The following ARFGEF1 variants were observed in gnomAD, a reference collection of about 807,000 sequenced individuals.
ARFGEF1 encodes brefeldin A-inhibited guanine nucleotide-exchange protein 1.
A neutral mutation model predicts 231.0 loss-of-function variants in ARFGEF1; 42 were observed. That is an observed-to-expected ratio of 0.18 (90% CI 0.14 to 0.24). The LOEUF is 0.24. Among genes scored for constraint, ARFGEF1 ranks in the 10% least tolerant of loss-of-function variants. The probability of loss-of-function intolerance (pLI) is 1.00; values close to 1 mark genes in which losing one functional copy is unlikely to be tolerated. For synonymous variants in ARFGEF1, 710 were observed against 732.3 expected, an observed-to-expected ratio of 0.97 and a Z score of 0.49; for missense variants, 1,345 against 2,192.0, an observed-to-expected ratio of 0.61 and a Z score of 7.72.
intron 1 of ARFGEF1, among the ~76,000 whole-genome samples, chr8:67,330,084 C>A (rs1377587248): frequency 1.3e-5 from 2 of 151,932 alleles, no homozygotes; most frequent in Non-Finnish European, 2.9e-5. Flanking sequence ...ATTTTTCATT[C>A]AAACCAAGAA....
Position 67,343,496 on chromosome 8 carries a change from C to G in ARFGEF1, c.-209G>C. 2 of 1,271,860 alleles carry G rather than the reference C, an allele frequency of 1.6e-6. No individual in the cohort carries two copies. 78.8% of individuals were successfully genotyped at this position (1,271,860 alleles called of 1,614,324 possible). A position where few individuals can be genotyped will look rare whatever the true frequency, so the allele number is the denominator to read the frequency against. On this transcript the variant is annotated 5_prime_UTR_variant, in exon 1 of 39. Transcript: ENST00000262215. The stretch of plus-strand genomic sequence containing the variant: ...AAGGGCGTCGAGGTCCTCGCCGCCC[C>G]CAAGAAGCCGTACCTCGAGGGCCGC...
intron 3 of ARFGEF1, 103 bp from the exon 4 acceptor site, chr8:67,299,458 A>C (rs985576781): frequency 9.4e-7 from 1 of 1,067,744 alleles, no homozygotes; most frequent in African/African-American, 1.7e-5. Context: ...AATATACATA[A>C]AATTTTTACA....
At chr8:67,284,776 T>A (rs1448141541) in intron 7 of ARFGEF1, among the ~76,000 whole-genome samples, 2 of 152,162 alleles carry the variant, frequency 1.3e-5, no homozygotes, top group Non-Finnish European at 2.9e-5. Flanking sequence ...AGTAAGGACA[T>A]CTCAGCAGCT....
rs764560231 is a variant in ARFGEF1, at chr8:67,224,890, T to C, written c.4208+13A>G. The C allele has an allele frequency of 7.9e-6, 12 of 1,515,690 alleles. No individual in the cohort carries two copies. In the Admixed American group the frequency reaches 2.4e-4, roughly 30 times the overall value. The allele number at this position is 1,515,690 out of a possible 1,614,324, so 93.9% of individuals were successfully genotyped here. A position where few individuals can be genotyped will look rare whatever the true frequency, so the allele number is the denominator to read the frequency against. ...ATAAATCCAAAATTTTAATTACAAA[T>C]ATAGATTGTTACCTGGTTCTTACAT... On this transcript the variant is annotated intron_variant, in intron 29 of 38. Coordinates refer to ENST00000262215, the MANE Select transcript of ARFGEF1 (RefSeq NM_006421.5).
downstream of ARFGEF1, chr8:67,193,677 T>A: frequency 7.6e-7 from 1 of 1,321,080 alleles, no homozygotes; most frequent in Non-Finnish European, 1.1e-6. Flanking sequence ...AGGCTTTCAC[T>A]AACGTCTGAG....
Position 67,177,679 on chromosome 8 carries a change from G to A in ARFGEF1, c.561-2107C>T, listed in dbSNP as rs1064795687. 6.2e-7 allele frequency: 1 copy of A among 1,607,900 alleles called. No homozygotes were observed. Among genetic ancestry groups the A allele is most frequent in the Non-Finnish European group, 8.5e-7 (1 of 1,174,916 alleles). ...TTGCTTTTGTTCTCCATTGACTACA[G>A]TTGACTTAGATGCCATCCCAAGTGC... On this transcript the variant is annotated intron_variant, in intron 5 of 5. Transcript: ENST00000518789.
intron 1 of ARFGEF1, among the ~76,000 whole-genome samples, chr8:67,307,419 A>G (rs1806799416): frequency 6.6e-6 from 1 of 152,236 alleles, no homozygotes; most frequent in African/African-American, 2.4e-5. Context: ...CACTGTTCTA[A>G]GAAAAGCTGG....
chr8:67,326,885 G>T (rs562778402), intron 1 of ARFGEF1, among the ~76,000 whole-genome samples: 1 of 152,276 alleles, frequency 6.6e-6, no homozygotes, highest in African/African-American at 2.4e-5. Flanking sequence ...TCCTATGTCA[G>T]GCCAGTTATT....
intron 22 of ARFGEF1, among the ~76,000 whole-genome samples, chr8:67,235,334 G>C (rs1477533460): frequency 6.6e-6 from 1 of 151,860 alleles, no homozygotes; most frequent in East Asian, 1.9e-4. Flanking sequence ...CTCAAGAAAG[G>C]CTTCACGTAT....
At chr8:67,331,375 C>T (rs942171152) in intron 1 of ARFGEF1, among the ~76,000 whole-genome samples, 7 of 152,080 alleles carry the variant, frequency 4.6e-5, no homozygotes, top group Non-Finnish European at 5.9e-5. Flanking sequence ...ACGGGTGGAG[C>T]GCTCATGAAT....
In ARFGEF1 at chr8:67,218,205, A is replaced by ATAT. The variant is rs1479884009; in HGVS notation, c.4339-68_4339-67insATA. 1.8e-3 allele frequency: 279 copies of ATAT among 155,480 alleles called. 1 individual carries two copies. The highest frequency in any genetic ancestry group is 5.3e-3 in the Admixed American group (43 of 8,044). The allele number at this position is 155,480 out of a possible 1,614,324, so 9.6% of individuals were successfully genotyped here. On this transcript the variant is annotated intron_variant, in intron 30 of 38. Transcript: ENST00000262215. ...ACTACTATGATTAAAAAAAAAAAAAAAAATATATATATATATATATATATA... is the reference window on the plus strand; with the variant it reads ...ACTACTATGATTAAAAAAAAAAAAAATATAAATATATATATATATATATATATA...
At position 67,343,270 on chromosome 8, in the gene ARFGEF1, C is replaced by G. The variant is rs1363696374; in HGVS notation, c.18G>C (p.Lys6Asn). 1.9e-6 allele frequency: 3 copies of G among 1,613,770 alleles called. No individual in the cohort carries two copies. The highest frequency in any genetic ancestry group is 2.7e-5 in the African/African-American group (2 of 74,920). The change falls in exon 1 of 39, where the codon AAG becomes AAC. Residue 6 changes from lysine to asparagine, a missense_variant. This residue lies in a region of ARFGEF1 where 398 missense variants were observed against 463.2 expected (regional missense o/e 0.86). Transcript: ENST00000262215. MYEGK[K>N]TKNMFLTRAL... ...CCCGGGTCAGGAACATGTTCTTCGT[C>G]TTCTTCCCCTCATACATGGACGCAG...
At chr8:67,289,823 ATTC>A (rs1358187184) in intron 6 of ARFGEF1, among the ~76,000 whole-genome samples, 1 of 152,178 alleles carries the variant, frequency 6.6e-6, no homozygotes, top group Non-Finnish European at 1.5e-5. Flanking sequence ...TTTTTCTGCC[ATTC>A]TTAAGTGTTT....
intron 25 of ARFGEF1, 84 bp downstream of exon 25, chr8:67,227,876 AGGG>A: frequency 8.8e-7 from 1 of 1,132,742 alleles, no homozygotes. Context: ...ATTGCTTGGA[AGGG>A]AAAAAGGCTC....
At chr8:67,269,642 T>C (rs1804993187) in intron 10 of ARFGEF1, among the ~76,000 whole-genome samples, 1 of 152,080 alleles carries the variant, frequency 6.6e-6, no homozygotes, top group Admixed American at 6.6e-5. Flanking sequence ...TGAGCCACTG[T>C]GCCCGGTGCT....
At chr8:67,227,033 A>C (rs1839397854) in intron 27 of ARFGEF1, 104 bp downstream of exon 27, 1 of 1,057,442 alleles carries the variant, frequency 9.5e-7, no homozygotes, top group African/African-American at 1.6e-5. Flanking sequence ...AAGCTTGGTA[A>C]ACTTAAAGGC....
intron 5 of ARFGEF1, among the ~76,000 whole-genome samples, chr8:67,178,544 G>T (rs952828634): frequency 5.3e-5 from 8 of 152,196 alleles, no homozygotes; most frequent in Admixed American, 3.3e-4. Flanking sequence ...TGGTGCTGTG[G>T]AGAAGACAAC....
intron 14 of ARFGEF1, among the ~76,000 whole-genome samples, chr8:67,263,556 C>T (rs1804726245): frequency 6.6e-6 from 1 of 152,174 alleles, no homozygotes; most frequent in African/African-American, 2.4e-5. Flanking sequence ...TCCACTCTAG[C>T]CTGCCATGCT....
chr8:67,314,362 C>A (rs1412987836), intron 1 of ARFGEF1, among the ~76,000 whole-genome samples: 1 of 152,150 alleles, frequency 6.6e-6, no homozygotes, highest in Non-Finnish European at 1.5e-5. Context: ...CCCCCCTGCT[C>A]CTCTAGCCAA....
Sources: allele counts gnomAD v4.1 joint callset (sites outside exome capture counted in the v4.1 genomes callset), GRCh38; gene constraint gnomAD v4.1.1; regional missense constraint gnomAD v4.1.1; transcripts MANE v1.5; gene names NCBI Gene and HGNC (gene_info 2026-07-23, HGNC 2026-07-21).